PDZD8: variants seen among roughly 807,000 people sequenced by gnomAD.
PDZD8 encodes PDZ domain containing 8, also known as PDZ domain-containing protein 8.
A neutral mutation model predicts 85.8 loss-of-function variants in PDZD8; 14 were observed. That is an observed-to-expected ratio of 0.16 (90% confidence interval 0.11 to 0.26). PDZD8 has a LOEUF of 0.26. Among genes scored for constraint, PDZD8 ranks in the 10% least tolerant of loss-of-function variants. The pLI is 1.00. For missense variants in PDZD8, 1,197 were observed against 1,424.3 expected (o/e 0.84, Z 2.57); for synonymous variants, 592 against 568.6 (o/e 1.04, Z -0.59).
At chr10:117,347,817 AAC>A (rs1844735105) in intron 1 of PDZD8, among the ~76,000 whole-genome samples, 1 of 152,184 alleles carries the variant, frequency 6.6e-6, no homozygotes, top group South Asian at 2.1e-4. Context: ...CAAGAAATAA[AAC>A]ACACAGCCAG....
At chr10:117,365,584 T>C (rs984751700) in intron 1 of PDZD8, among the ~76,000 whole-genome samples, 1 of 152,210 alleles carries the variant, frequency 6.6e-6, no homozygotes, top group African/African-American at 2.4e-5. Context: ...AGAAAATATC[T>C]GATATATATC....
chr10:117,328,051 G>GA (rs1412681207), intron 2 of PDZD8, among the ~76,000 whole-genome samples: 1 of 152,022 alleles, frequency 6.6e-6, no homozygotes, highest in Non-Finnish European at 1.5e-5. Context: ...CCAATTTAAG[G>GA]ATTTGTTTTG....
rs1845271126 is a variant in PDZD8 at position 117,374,985 on chromosome 10, G to A, written c.243C>T (p.Thr81=). The A allele has an allele frequency of 6.3e-7, 1 of 1,595,130 alleles. No individual in the cohort carries two copies. The highest frequency in any genetic ancestry group is 8.5e-7 in the Non-Finnish European group (1 of 1,171,312). The change falls in exon 1 of 5, where the codon ACC becomes ACT. Residue 81 remains threonine, a synonymous_variant. Coordinates refer to ENST00000334464, the MANE Select transcript of PDZD8 (RefSeq NM_173791.5). The surrounding 1 kb of genome is among the most constrained non-coding windows in gnomAD (Gnocchi z 7.8). The stretch of plus-strand genomic sequence containing the variant: ...GCGGGGCGGGGGTCTCGGGGGCCGC[G>A]GTGGGGGTCGCGCCGCCCTCAGGGG... ...GAAPEGGATP[T]AAPETPAPPT... is the part of the protein sequence containing the mutation.
chr10:117,295,095 A>G (rs1255378900), intron 3 of PDZD8, among the ~76,000 whole-genome samples: 2 of 152,100 alleles, frequency 1.3e-5, no homozygotes, highest in Non-Finnish European at 2.9e-5. Context: ...GCATTGAGCC[A>G]TGACTGCACC....
chr10:117,346,483 C>T (rs1012591255), intron 1 of PDZD8, among the ~76,000 whole-genome samples: 5 of 151,426 alleles, frequency 3.3e-5, no homozygotes, highest in Admixed American at 2.6e-4. Context: ...TATACCCCTC[C>T]AGCATTAATA....
At position 117,278,376 on chromosome 10, in the gene PDZD8, C is replaced by T. The variant is rs1230627523; in HGVS notation, c.*4892G>A. On this transcript the variant is annotated 3_prime_UTR_variant, in exon 5 of 5. Coordinates refer to ENST00000334464, the MANE Select transcript of PDZD8 (RefSeq NM_173791.5). The stretch of plus-strand genomic sequence containing the variant: ...ATTAAGAAGTAAAAATAATAGTGAT[C>T]AGGCAGAAAAGAAAAATGGAACATC... The T allele has an allele frequency of 1.3e-5, 2 of 152,176 alleles. No individual in the cohort carries two copies. Among genetic ancestry groups the T allele is most frequent in the African/African-American group, 2.4e-5 (1 of 41,438 alleles). The allele number at this position is 152,176 out of a possible 1,614,324, so 9.4% of individuals were successfully genotyped here.
At position 117,374,974 on chromosome 10, in the gene PDZD8, TCGGGGGCCG is replaced by T. The variant is rs764843467; in HGVS notation, c.245_253del (p.Ala82_Pro84del). On this transcript the variant is annotated inframe_deletion, in exon 1 of 5. Transcript: ENST00000334464. The surrounding 1 kb of genome is among the most constrained non-coding windows in gnomAD (Gnocchi z 7.8). ...CTCCCGCGTCGGCGGGGCGGGGGTC[TCGGGGGCCG>T]CGGTGGGGGTCGCGCCGCCCTCAGG... 1 of 1,602,672 alleles carries T rather than the reference TCGGGGGCCG, an allele frequency of 6.2e-7. No homozygotes were observed. The highest frequency in any genetic ancestry group is 2.3e-5 in the East Asian group (1 of 44,392).
At chr10:117,338,922 C>T (rs1352492618) in intron 2 of PDZD8, among the ~76,000 whole-genome samples, 1 of 151,990 alleles carries the variant, frequency 6.6e-6, no homozygotes, top group Non-Finnish European at 1.5e-5. Context: ...AATACCTAAC[C>T]CCACCAGCAA....
At chr10:117,325,230 C>G (rs2133820101) in intron 2 of PDZD8, among the ~76,000 whole-genome samples, 1 of 152,028 alleles carries the variant, frequency 6.6e-6, no homozygotes, top group African/African-American at 2.4e-5. Flanking sequence ...TCCTGACAGG[C>G]CCAGGAAACT....
intron 2 of PDZD8, among the ~76,000 whole-genome samples, chr10:117,325,404 C>CTTTTTTTTTTT (rs71013659): frequency 0.56 from 55,151 of 97,636 alleles, 19,324 homozygotes; most frequent in Non-Finnish European, 0.68. Context: ...GAAAAGCCAA[C>CTTTTTTTTTTT]TTTTTTTTTT....
Position 117,374,920 on chromosome 10 carries a change from A to G in PDZD8, c.308T>C (p.Leu103Pro). 1.2e-6 allele frequency: 2 copies of G among 1,613,090 alleles called. No homozygotes were observed. The highest frequency in any genetic ancestry group is 1.3e-5 in the African/African-American group (1 of 74,870). ...GTCCCGCAACTCCCGGAACAGGAAT[A>G]GGATGGTGGCGTTGAGGAAGTAGCA... ...ETCYFLNATI[L>P]FLFRELRDTA... Residue 103 changes from leucine (L) to proline (P), a missense_variant, in exon 1 of 5, where the codon CTA (leucine) becomes CCA (proline). Leu to Pro is a moderately conservative substitution (Grantham distance 98, BLOSUM62 -3). Coordinates refer to ENST00000334464, the MANE Select transcript of PDZD8 (RefSeq NM_173791.5). The surrounding 1 kb of genome is among the most constrained non-coding windows in gnomAD (Gnocchi z 7.8).
intron 1 of PDZD8, among the ~76,000 whole-genome samples, chr10:117,349,141 T>C (rs1844757211): frequency 6.6e-6 from 1 of 152,196 alleles, no homozygotes; most frequent in Admixed American, 6.5e-5. Context: ...ACAGTGGATC[T>C]AAGTCAAGAG....
chr10:117,294,138 A>G (rs1843712584), intron 3 of PDZD8, among the ~76,000 whole-genome samples: 1 of 152,110 alleles, frequency 6.6e-6, no homozygotes. Flanking sequence ...TAAGAAATTA[A>G]ACCCCAAAGT....
rs1019182739 is a variant in PDZD8, at chr10:117,304,664, G to A, written c.1098+14208C>T. ...CAAGGGGAGGTAATTGAATCATGGG[G>A]GCCGGTCTTTCCCATGCTATTCTCA... On this transcript the variant is annotated intron_variant, in intron 3 of 4. Coordinates refer to ENST00000334464, the MANE Select transcript of PDZD8 (RefSeq NM_173791.5). Among the ~76,000 whole-genome samples the A allele has an allele frequency of 2.0e-5, 3 of 152,130 alleles. No individual in the cohort carries two copies. In the East Asian group the frequency reaches 5.8e-4, roughly 29 times the overall value.
At chr10:117,331,968 ATTC>A (rs1844427053) in intron 2 of PDZD8, among the ~76,000 whole-genome samples, 1 of 152,220 alleles carries the variant, frequency 6.6e-6, no homozygotes, top group Non-Finnish European at 1.5e-5. Context: ...TATACGGAAG[ATTC>A]TTTATATCTG....
intron 4 of PDZD8, chr10:117,285,716 C>T (rs1844650815): frequency 1.7e-6 from 2 of 1,178,920 alleles, no homozygotes; most frequent in African/African-American, 3.2e-5. Context: ...GATGATGACA[C>T]AGGATCCCAA....
At chr10:117,332,455 T>C (rs1259641994) in intron 2 of PDZD8, among the ~76,000 whole-genome samples, 1 of 150,672 alleles carries the variant, frequency 6.6e-6, no homozygotes, top group Non-Finnish European at 1.5e-5. Flanking sequence ...ACTTCTAACA[T>C]AATATAAAAG....
At position 117,291,357 on chromosome 10, in the gene PDZD8, C is replaced by T. The variant is rs184063365; in HGVS notation, c.1099-1009G>A. On this transcript the variant is annotated intron_variant, in intron 3 of 4. Transcript: ENST00000334464. ...AATCCTGGCTAACACGGTGAAACCC[C>T]GTCTCTACTAAAAATACAAAAAATT... 3.9e-3 allele frequency among the ~76,000 whole-genome samples: 595 copies of T among 151,576 alleles called. 6 individuals are homozygous for T. Among genetic ancestry groups the T allele is most frequent in the African/African-American group, 0.014 (570 of 41,354 alleles).
intron 2 of PDZD8, among the ~76,000 whole-genome samples, chr10:117,328,964 CGTGA>C (rs1844368300): frequency 6.6e-6 from 1 of 152,162 alleles, no homozygotes; most frequent in African/African-American, 2.4e-5. Flanking sequence ...CCACTGGAAA[CGTGA>C]GTACCAGCCA....
Sources: gnomAD v4.1 joint callset for allele counts (sites outside exome capture counted in the v4.1 genomes callset) on GRCh38, gnomAD v4.1.1 for gene constraint, Gnocchi (gnomAD v3.1) non-coding constraint, MANE v1.5 for transcripts, NCBI Gene and HGNC (gene_info 2026-07-23, HGNC 2026-07-21) for gene names.